ITGB3: variants seen among roughly 807,000 people sequenced by gnomAD.
ITGB3 encodes the protein integrin subunit beta 3, also known as integrin beta-3.
A neutral mutation model predicts 85.8 loss-of-function variants in ITGB3; 48 were observed. That is an observed-to-expected ratio of 0.56 (90% confidence interval 0.44 to 0.71). The LOEUF (loss-of-function observed/expected upper bound fraction) is 0.71. ITGB3 is among the 30% of genes least tolerant of loss of function. The pLI, the probability that ITGB3 is intolerant of heterozygous loss-of-function variation, is 0.00. For synonymous variants in ITGB3, 363 were observed against 395.6 expected (o/e 0.92, Z 0.98); for missense variants, 861 against 1,019.1 (o/e 0.84, Z 2.11).
chr17:47,267,890 A>G (rs547486258), intron 1 of ITGB3, among the ~76,000 whole-genome samples: 1 of 152,228 alleles, frequency 6.6e-6, no homozygotes, highest in Non-Finnish European at 1.5e-5. Context: ...CATGCTGCTT[A>G]TAAAAACATA....
chr17:47,263,165 C>A (rs1343989754), intron 1 of ITGB3, among the ~76,000 whole-genome samples: 4 of 152,122 alleles, frequency 2.6e-5, no homozygotes, highest in Non-Finnish European at 5.9e-5. Flanking sequence ...CTTTTTCTGC[C>A]ATATCCATCT....
chr17:47,259,521 A>T (rs1567758371), intron 1 of ITGB3: 1 of 152,150 alleles, frequency 6.6e-6, no homozygotes, highest in Non-Finnish European at 1.5e-5. Context: ...TTCTTAGTTC[A>T]GTTAGTGAAG....
At chr17:47,278,673 A>G (rs950586950) in intron 2 of ITGB3, among the ~76,000 whole-genome samples, 1 of 152,116 alleles carries the variant, frequency 6.6e-6, no homozygotes, top group African/African-American at 2.4e-5. Flanking sequence ...ATGGCCTGTT[A>G]GGAACTGGGC....
At chr17:47,261,883 A>G (rs769919739) in intron 1 of ITGB3, among the ~76,000 whole-genome samples, 60 of 152,216 alleles carry the variant, frequency 3.9e-4, no homozygotes, top group Non-Finnish European at 6.8e-4. Flanking sequence ...TCCATTATTT[A>G]TCCCAAGAGC....
chr17:47,289,639 T>G, intron 6 of ITGB3, 42 bp from the exon 7 acceptor site: 11 of 1,382,792 alleles, frequency 8.0e-6, no homozygotes, highest in Non-Finnish European at 1.1e-5. Flanking sequence ...CCTAGAGATG[T>G]ACATGAGACG....
chr17:47,289,462 A>G (rs1007288783), intron 6 of ITGB3, among the ~76,000 whole-genome samples: 25 of 152,124 alleles, frequency 1.6e-4, no homozygotes, highest in Admixed American at 1.1e-3. Flanking sequence ...AGCTAGGACT[A>G]TAGGCACTTA....
chr17:47,307,489 A>G lies in ITGB3; in HGVS notation c.2153A>G (p.Asp718Gly), dbSNP rs1459543625. 6.2e-6 allele frequency: 10 copies of G among 1,614,048 alleles called. No homozygotes were observed. The highest frequency in any genetic ancestry group is 7.6e-6 in the Non-Finnish European group (9 of 1,180,022). ...VEEPECPKGP[D>G]ILVVLLSVMG... ...CTCACAGAGTGTCCCAAGGGCCCTG[A>G]CATCCTGGTGGTCCTGCTCTCAGTG... The change falls in exon 14 of 15, where the codon GAC (aspartate) becomes GGC (glycine). Residue 718 changes from aspartate to glycine, a missense_variant. By Grantham distance (94) the Asp-to-Gly change is moderately conservative (BLOSUM62 -1). Transcript: ENST00000559488.
chr17:47,288,992 G>A (rs2065114933), intron 6 of ITGB3, among the ~76,000 whole-genome samples: 1 of 152,082 alleles, frequency 6.6e-6, no homozygotes. Flanking sequence ...GAAAGGAGGA[G>A]GATTACCAAC....
At chr17:47,276,705 G>A (rs564647189) in intron 2 of ITGB3, among the ~76,000 whole-genome samples, 8 of 152,308 alleles carry the variant, frequency 5.3e-5, no homozygotes, top group African/African-American at 1.4e-4. Flanking sequence ...TGTGGTGACC[G>A]GGGAGGGATG....
At chr17:47,286,181 T>C in intron 4 of ITGB3, 79 bp from the exon 5 acceptor site, 1 of 1,515,694 alleles carries the variant, frequency 6.6e-7, no homozygotes, top group Non-Finnish European at 9.1e-7. Context: ...TCTATATTTG[T>C]CCCCTCTCTT....
At chr17:47,274,356 G>C in intron 1 of ITGB3, 63 bp from the exon 2 acceptor site, 2 of 1,436,334 alleles carry the variant, frequency 1.4e-6, no homozygotes, top group Non-Finnish European at 1.9e-6. Flanking sequence ...TGGGAAGGAT[G>C]AGGCAGGCAA....
chr17:47,306,682 A>C (rs915617815), intron 13 of ITGB3, among the ~76,000 whole-genome samples: 6 of 151,806 alleles, frequency 4.0e-5, no homozygotes, highest in African/African-American at 1.5e-4. Context: ...TCATTTATTT[A>C]TTTATTTATT....
chr17:47,306,669 TATTC>T (rs1255074063), intron 13 of ITGB3, among the ~76,000 whole-genome samples: 2 of 152,144 alleles, frequency 1.3e-5, no homozygotes, highest in African/African-American at 4.8e-5. Flanking sequence ...TTTTATTTCT[TATTC>T]ATTTATTTAT....
At position 47,300,334 on chromosome 17, in the gene ITGB3, G is replaced by GGCGC. The variant is rs747880536; in HGVS notation, c.1914-134_1914-131dup. On this transcript the variant is annotated intron_variant, in intron 11 of 14. Transcript: ENST00000559488. ...TTCAGGTCCCCAGGATTGTCTTACA[G>GGCGC]GCGCGCGCGCGCGTGTGTGTGTGTG... 2,872 of 501,810 alleles carry GGCGC rather than the reference G, an allele frequency of 5.7e-3. 24 individuals are homozygous for GGCGC. The highest frequency in any genetic ancestry group is 0.041 in the East Asian group (1,124 of 27,450). 31.1% of individuals were successfully genotyped at this position (501,810 alleles called of 1,614,324 possible). A position where few individuals can be genotyped will look rare whatever the true frequency, so the allele number is the denominator to read the frequency against.
intron 9 of ITGB3, 169 bp downstream of exon 9, chr17:47,291,257 A>G (rs188878910): frequency 1.4e-5 from 10 of 724,004 alleles, no homozygotes; most frequent in African/African-American, 7.0e-5. Context: ...GGATCCACCA[A>G]TCTTTTCCTC....
intron 1 of ITGB3, among the ~76,000 whole-genome samples, chr17:47,272,962 A>G (rs554078343): frequency 1.3e-5 from 2 of 152,040 alleles, no homozygotes; most frequent in Non-Finnish European, 2.9e-5. Context: ...TTTAGCAGAG[A>G]TGGAGTTTCA....
intron 1 of ITGB3, among the ~76,000 whole-genome samples, chr17:47,255,780 C>T (rs1007527585): frequency 1.3e-5 from 2 of 152,124 alleles, no homozygotes; most frequent in African/African-American, 2.4e-5. Context: ...GTGGTTATTG[C>T]TGCATTTCCT....
chr17:47,296,285 G>A (rs867119159), intron 10 of ITGB3, among the ~76,000 whole-genome samples: 6 of 152,208 alleles, frequency 3.9e-5, no homozygotes, highest in African/African-American at 1.2e-4. Context: ...CCAGCCCATA[G>A]TGCAGTGGCA....
chr17:47,286,446 C>T (rs369682393), intron 5 of ITGB3, 24 bp downstream of exon 5: 164 of 1,613,494 alleles, frequency 1.0e-4, no homozygotes, highest in South Asian at 3.3e-4. Context: ...ACTTGGAGTG[C>T]CAGGTGTGGC....
Sources: gnomAD v4.1 joint callset for allele counts (sites outside exome capture counted in the v4.1 genomes callset) on GRCh38, gnomAD v4.1.1 for gene constraint, MANE v1.5 for transcripts, NCBI Gene and HGNC (gene_info 2026-07-23, HGNC 2026-07-21) for gene names.